EHBP1: variants seen among roughly 807,000 people sequenced by gnomAD.
EHBP1 encodes the protein EH domain binding protein 1.
A neutral mutation model predicts 144.0 loss-of-function variants in EHBP1; 55 were observed. That is an observed-to-expected ratio of 0.38 (90% confidence interval 0.31 to 0.48). EHBP1 has a LOEUF of 0.48. Ranked by LOEUF, EHBP1 falls within the 20% of genes least tolerant of loss-of-function variation. The pLI, the probability that EHBP1 is intolerant of heterozygous loss-of-function variation, is 0.98. For missense variants in EHBP1, 1,200 were observed against 1,364.2 expected (o/e 0.88, Z 1.90); for synonymous variants, 469 against 472.7 (o/e 0.99, Z 0.10).
intron 4 of EHBP1, 45 bp downstream of exon 4, chr2:62,764,406 G>T: frequency 7.3e-7 from 1 of 1,374,674 alleles, no homozygotes; most frequent in Non-Finnish European, 9.8e-7. Context: ...ATATAACCAG[G>T]GTACCAAATG....
At chr2:62,728,961 C>T (rs2037117801) in intron 2 of EHBP1, among the ~76,000 whole-genome samples, 1 of 151,460 alleles carries the variant, frequency 6.6e-6, no homozygotes, top group Admixed American at 6.6e-5. Context: ...AAGGTGTCTA[C>T]TTTTATTCTT....
chr2:62,917,866 C>T (rs1467807955), intron 10 of EHBP1, among the ~76,000 whole-genome samples: 3 of 150,770 alleles, frequency 2.0e-5, no homozygotes, highest in East Asian at 2.0e-4. Flanking sequence ...ATTCTGGTTT[C>T]GTTTGTTTAG....
intron 3 of EHBP1, among the ~76,000 whole-genome samples, chr2:62,749,029 C>A (rs1433521270): frequency 1.3e-5 from 2 of 152,084 alleles, no homozygotes; most frequent in African/African-American, 2.4e-5. Flanking sequence ...TACATGTGCA[C>A]AACGTGCAGG....
chr2:62,965,441 G>A (rs1041973869), intron 14 of EHBP1, among the ~76,000 whole-genome samples: 1 of 152,170 alleles, frequency 6.6e-6, no homozygotes. Flanking sequence ...GCCTTAATGA[G>A]AGTGAAATTG....
At chr2:62,957,996 T>C (rs1352202043) in intron 14 of EHBP1, among the ~76,000 whole-genome samples, 1 of 152,146 alleles carries the variant, frequency 6.6e-6, no homozygotes, top group Non-Finnish European at 1.5e-5. Context: ...TCATTAGTTA[T>C]CAAGCAAATG....
At chr2:62,925,827 C>T (rs2055462492) in intron 10 of EHBP1, among the ~76,000 whole-genome samples, 1 of 152,096 alleles carries the variant, frequency 6.6e-6, no homozygotes, top group South Asian at 2.1e-4. Context: ...GACCATGTAG[C>T]CCAAAGCGAT....
At chr2:62,840,267 G>T (rs990944581) in intron 7 of EHBP1, among the ~76,000 whole-genome samples, 11 of 149,040 alleles carry the variant, frequency 7.4e-5, no homozygotes, top group African/African-American at 2.7e-4. Flanking sequence ...AAATGGTGCT[G>T]GGAAAACTGG....
chr2:62,956,935 GT>G (rs2057733528), intron 14 of EHBP1, among the ~76,000 whole-genome samples: 1 of 152,104 alleles, frequency 6.6e-6, no homozygotes, highest in African/African-American at 2.4e-5. Flanking sequence ...TCATAGCATG[GT>G]GGCTGACTTC....
At chr2:62,745,623 A>G (rs1207522832) in intron 2 of EHBP1, among the ~76,000 whole-genome samples, 1 of 151,982 alleles carries the variant, frequency 6.6e-6, no homozygotes, top group Non-Finnish European at 1.5e-5. Context: ...AGCTAGAGAG[A>G]TAGATCAGAG....
chr2:62,731,382 C>G (rs2037584181), intron 2 of EHBP1, among the ~76,000 whole-genome samples: 1 of 152,148 alleles, frequency 6.6e-6, no homozygotes, highest in African/African-American at 2.4e-5. Flanking sequence ...TTCTTCCTTT[C>G]CAACCTATAT....
At chr2:62,941,399 C>A (rs1463405824) in intron 10 of EHBP1, among the ~76,000 whole-genome samples, 2 of 152,014 alleles carry the variant, frequency 1.3e-5, no homozygotes, top group Non-Finnish European at 2.9e-5. Flanking sequence ...ATTTTTATGA[C>A]CTGTGAGCTT....
chr2:62,759,970 C>G (rs2040633733), intron 3 of EHBP1, among the ~76,000 whole-genome samples: 1 of 152,040 alleles, frequency 6.6e-6, no homozygotes, highest in Non-Finnish European at 1.5e-5. Flanking sequence ...CCTCTGCTTT[C>G]TACTAGTACA....
intron 8 of EHBP1, among the ~76,000 whole-genome samples, chr2:62,863,114 CT>C (rs1351855928): frequency 1.3e-5 from 2 of 150,662 alleles, no homozygotes; most frequent in East Asian, 4.0e-4. Flanking sequence ...GAAACCCTGT[CT>C]CTACTAAAAA....
chr2:62,904,449 A>G (rs1403973229), intron 10 of EHBP1, among the ~76,000 whole-genome samples: 2 of 152,196 alleles, frequency 1.3e-5, no homozygotes, highest in African/African-American at 4.8e-5. Flanking sequence ...GAGGAAACAG[A>G]CACAAAGGAT....
intron 19 of EHBP1, among the ~76,000 whole-genome samples, chr2:63,017,553 A>G (rs1008894845): frequency 1.2e-4 from 19 of 152,180 alleles, no homozygotes; most frequent in African/African-American, 4.6e-4. Flanking sequence ...GCAACCAAGT[A>G]CTTGGTATTT....
chr2:62,857,964 C>G (rs2049200316), intron 7 of EHBP1, among the ~76,000 whole-genome samples: 1 of 151,506 alleles, frequency 6.6e-6, no homozygotes, highest in East Asian at 1.9e-4. Flanking sequence ...TGTATATAAT[C>G]CATGCATTTA....
chr2:62,796,040 T>C (rs1184710596), intron 5 of EHBP1, among the ~76,000 whole-genome samples: 1 of 151,800 alleles, frequency 6.6e-6, no homozygotes, highest in Admixed American at 6.6e-5. Flanking sequence ...TTCTATTCTT[T>C]TCCTAATAAA....
chr2:62,867,822 G>A (rs532686962), intron 9 of EHBP1, among the ~76,000 whole-genome samples: 18 of 152,264 alleles, frequency 1.2e-4, no homozygotes, highest in Non-Finnish European at 2.5e-4. Context: ...AACCAAGACA[G>A]TGTGGTATTA....
At chr2:62,872,417 T>G (rs1030844310) in intron 9 of EHBP1, among the ~76,000 whole-genome samples, 1 of 152,104 alleles carries the variant, frequency 6.6e-6, no homozygotes, top group African/African-American at 2.4e-5. Flanking sequence ...CAACAGAATG[T>G]GAAAATAGTC....
Sources: allele counts gnomAD v4.1 joint callset (sites outside exome capture counted in the v4.1 genomes callset), GRCh38; gene constraint gnomAD v4.1.1; transcripts MANE v1.5; gene names NCBI Gene and HGNC (gene_info 2026-07-23, HGNC 2026-07-21).